Variants in SARDH observed in about 807,000 individuals in gnomAD.
The protein encoded by SARDH is sarcosine dehydrogenase, also known as sarcosine dehydrogenase, mitochondrial.
Under a neutral mutation model 109.1 loss-of-function variants are expected in SARDH, and 95 were observed. That is an observed-to-expected ratio of 0.87 (90% CI 0.74 to 1.03). SARDH has a LOEUF of 1.03. Ranked by LOEUF, SARDH falls within the 50% of genes least tolerant of loss-of-function variation. The probability of loss-of-function intolerance (pLI) is 0.00; values close to 1 mark genes in which losing one functional copy is unlikely to be tolerated. For missense variants in SARDH, 1,267 were observed against 1,287.8 expected (o/e 0.98, Z 0.25); for synonymous variants, 572 against 534.8 (o/e 1.07, Z -0.96).
rs545594813 is a variant in SARDH at position 133,707,925 on chromosome 9, T to G, written c.1470+362A>C. 3.9e-5 allele frequency among the ~76,000 whole-genome samples: 6 copies of G among 152,242 alleles called. No homozygotes were observed. In the East Asian group the frequency reaches 1.2e-3, roughly 29 times the overall value. On this transcript the variant is annotated intron_variant, in intron 11 of 20. Coordinates refer to ENST00000439388, the MANE Select transcript of SARDH (RefSeq NM_001134707.2). ...TCTCCAATGTACGCCGTGTTCTGGC[T>G]GCTCTCCCAATACGTGGCTGCATAC...
At chr9:133,667,058 C>A in intron 19 of SARDH, 188 bp from the exon 20 acceptor site, 1 of 696,146 alleles carries the variant, frequency 1.4e-6, no homozygotes, top group Non-Finnish European at 2.4e-6. Flanking sequence ...GACAGCAGGG[C>A]TCGGGCTTCG....
intron 13 of SARDH, among the ~76,000 whole-genome samples, chr9:133,701,454 C>T (rs148519627): frequency 0.02 from 3,073 of 152,368 alleles, 40 homozygotes; most frequent in Non-Finnish European, 0.032. Flanking sequence ...CAGCCTCCCG[C>T]GCTGGGCTCC....
chr9:133,671,373 G>A (rs527812109), intron 18 of SARDH, among the ~76,000 whole-genome samples, 162 bp downstream of exon 18: 1 of 152,270 alleles, frequency 6.6e-6, no homozygotes, highest in East Asian at 1.9e-4. Context: ...AATGGAGGAT[G>A]TCAGGCGCTG....
At chr9:133,670,796 A>G in intron 18 of SARDH, 44 bp from the exon 19 acceptor site, 1 of 1,514,166 alleles carries the variant, frequency 6.6e-7, no homozygotes, top group Non-Finnish European at 8.8e-7. Flanking sequence ...CCTGAGGGGG[A>G]TAAGCCCTTC....
At chr9:133,665,800 G>T (rs1208442858) in intron 20 of SARDH, among the ~76,000 whole-genome samples, 2 of 152,204 alleles carry the variant, frequency 1.3e-5, no homozygotes, top group Non-Finnish European at 2.9e-5. Flanking sequence ...CCTCCTCATG[G>T]CTTCTCCCAA....
chr9:133,735,955 G>A (rs967264196), intron 1 of SARDH, among the ~76,000 whole-genome samples: 4 of 151,698 alleles, frequency 2.6e-5, no homozygotes, highest in African/African-American at 9.7e-5. Context: ...CAGGAGACTT[G>A]CTTAAACCCG....
chr9:133,733,815 C>T (rs2131514186), intron 2 of SARDH, 28 bp downstream of exon 2: 1 of 1,445,942 alleles, frequency 6.9e-7, no homozygotes, highest in East Asian at 2.5e-5. Context: ...CTATCCTTCC[C>T]TGCCCCTACC....
Position 133,718,708 on chromosome 9 carries a change from G to A in SARDH, c.1020+230C>T. On this transcript the variant is annotated intron_variant, in intron 7 of 20. Coordinates refer to ENST00000439388, the MANE Select transcript of SARDH (RefSeq NM_001134707.2). The surrounding 1 kb of genome is among the most constrained non-coding windows in gnomAD (Gnocchi z 4.2). ...CCACACTGCGCAGACCTTCTCTGTG[G>A]ATGTTTTGAGGCAAAGCCCTCCAGC... 1 of 779,698 alleles carries A rather than the reference G, an allele frequency of 1.3e-6. No individual in the cohort carries two copies. The highest frequency in any genetic ancestry group is 1.3e-5 in the South Asian group (1 of 74,620). The allele number at this position is 779,698 out of a possible 1,614,324, so 48.3% of individuals were successfully genotyped here.
intron 18 of SARDH, among the ~76,000 whole-genome samples, chr9:133,671,331 C>T (rs542063706): frequency 6.6e-5 from 10 of 152,082 alleles, no homozygotes; most frequent in East Asian, 1.9e-4. Context: ...GGGCCCTGCA[C>T]GAAGACCCTG....
intron 6 of SARDH, among the ~76,000 whole-genome samples, chr9:133,723,189 G>T (rs759427875): frequency 1.4e-4 from 21 of 152,266 alleles, no homozygotes; most frequent in Non-Finnish European, 2.6e-4. Flanking sequence ...ACTTATTTTT[G>T]TTAAGCTGAC....
At chr9:133,664,949 G>T (rs889428275) in intron 20 of SARDH, among the ~76,000 whole-genome samples, 13 of 152,178 alleles carry the variant, frequency 8.5e-5, no homozygotes, top group South Asian at 4.1e-4. Flanking sequence ...CTACGAGGCA[G>T]AAACGCCTTC....
chr9:133,733,932 G>A lies in SARDH; in HGVS notation c.242C>T (p.Thr81Ile), dbSNP rs761033391. ...GCCCAGCTTGGCCAGGTGGTACAGG[G>A]TCTGGCAGCCCAAGCTGCCTCCACC... ...VIGGGSLGCQ[T>I]LYHLAKLGMS... Residue 81 changes from threonine to isoleucine, a missense_variant, in exon 2 of 21, where the codon ACC (threonine) becomes ATC (isoleucine). Transcript: ENST00000439388. 2 of 1,594,828 alleles carry A rather than the reference G, an allele frequency of 1.3e-6. No individual in the cohort carries two copies. The highest frequency in any genetic ancestry group is 1.7e-6 in the Non-Finnish European group (2 of 1,170,266).
At chr9:133,730,043 C>T (rs1490156556) in intron 5 of SARDH, 21 bp downstream of exon 5, 1 of 1,613,708 alleles carries the variant, frequency 6.2e-7, no homozygotes, top group East Asian at 2.2e-5. Flanking sequence ...ACACAGGAGT[C>T]AGGAGAAATG....
At chr9:133,719,485 T>C (rs1832246876) in intron 6 of SARDH, among the ~76,000 whole-genome samples, 1 of 152,084 alleles carries the variant, frequency 6.6e-6, no homozygotes, top group East Asian at 1.9e-4. Context: ...CAAGCCAGTG[T>C]GCCCCTCCTG....
chr9:133,702,126 C>T (rs1181820220), intron 13 of SARDH, among the ~76,000 whole-genome samples: 1 of 152,214 alleles, frequency 6.6e-6, no homozygotes, highest in Non-Finnish European at 1.5e-5. Context: ...AGGTGTCACG[C>T]GTCTCCCTGG....
At chr9:133,713,183 A>T in intron 8 of SARDH, 59 bp from the exon 9 acceptor site, 1 of 1,445,094 alleles carries the variant, frequency 6.9e-7, no homozygotes, top group Non-Finnish European at 9.6e-7. Flanking sequence ...TCTTGGGGTG[A>T]GGTCTTCCAA....
rs573646778 is a variant in SARDH at position 133,670,201 on chromosome 9, C to T, written c.2495+383G>A. On this transcript the variant is annotated intron_variant, in intron 19 of 20. Transcript: ENST00000439388. ...AAAATTAGCTGGGTGTGGTAGTGCA[C>T]GCCTGTAATCCCAGCTACTTGGGAG... Among the ~76,000 whole-genome samples the T allele has an allele frequency of 5.7e-3, 864 of 152,140 alleles. 5 individuals are homozygous for T. The highest frequency in any genetic ancestry group is 0.02 in the African/African-American group (818 of 41,502).
In SARDH at chr9:133,666,155, C is replaced by T. The variant is rs967643354; in HGVS notation, c.2631+580G>A. On this transcript the variant is annotated intron_variant, in intron 20 of 20. Transcript: ENST00000439388. This position sits in a 1 kb window ranked among gnomAD's most constrained non-coding sequence, Gnocchi z 5.2. ...CTCCTGCAGCCAGGGGTCAGGGTCA[C>T]CTGGAGGGGGTGGGGTTGCCTGGGG... Among the ~76,000 whole-genome samples, 1 of 152,134 alleles carries T rather than the reference C, an allele frequency of 6.6e-6. No homozygotes were observed. Among genetic ancestry groups the T allele is most frequent in the Admixed American group, 6.5e-5 (1 of 15,280 alleles).
Position 133,718,875 on chromosome 9 carries a change from C to T in SARDH, c.1020+63G>A. On this transcript the variant is annotated intron_variant, in intron 7 of 20. Coordinates refer to ENST00000439388, the MANE Select transcript of SARDH (RefSeq NM_001134707.2). This position sits in a 1 kb window ranked among gnomAD's most constrained non-coding sequence, Gnocchi z 4.2. The stretch of plus-strand genomic sequence containing the variant: ...AGGAGGATGGACTTCCTGAAAGAGG[C>T]CCTCTCCATGCTGAGATGCAGCCCC... 1 of 1,269,936 alleles carries T rather than the reference C, an allele frequency of 7.9e-7. No individual in the cohort carries two copies. The highest frequency in any genetic ancestry group is 1.2e-6 in the Non-Finnish European group (1 of 867,738). 78.7% of individuals were successfully genotyped at this position (1,269,936 alleles called of 1,614,324 possible).
Sources: gnomAD v4.1 joint callset for allele counts (sites outside exome capture counted in the v4.1 genomes callset) on GRCh38, gnomAD v4.1.1 for gene constraint, Gnocchi (gnomAD v3.1) non-coding constraint, MANE v1.5 for transcripts, NCBI Gene and HGNC (gene_info 2026-07-23, HGNC 2026-07-21) for gene names.